BCL3: variants seen among roughly 807,000 people sequenced by gnomAD.
BCL3 encodes the protein BCL3 transcription coactivator, also known as B-cell lymphoma 3 protein.
Under a neutral mutation model 35.7 loss-of-function variants are expected in BCL3, and 15 were observed. That is an observed-to-expected ratio of 0.42 (90% CI 0.28 to 0.65). The LOEUF (loss-of-function observed/expected upper bound fraction) is 0.65. Ranked by LOEUF, BCL3 falls within the 30% of genes least tolerant of loss-of-function variation. BCL3 has a pLI of 0.22. For synonymous variants in BCL3, 311 were observed against 284.3 expected (o/e 1.09, Z -0.95); for missense variants, 565 against 641.7 (o/e 0.88, Z 1.29).
At chr19:44,752,177 ATTTTCTTT>A (rs1207695963) in intron 2 of BCL3, among the ~76,000 whole-genome samples, 84 of 150,442 alleles carry the variant, frequency 5.6e-4, no homozygotes, top group African/African-American at 1.8e-3. Flanking sequence ...CTACTGTGAC[ATTTTCTTT>A]TTTTCTTTTT....
upstream of BCL3, chr19:44,748,006 G>A (rs1174216660): frequency 7.4e-7 from 1 of 1,342,556 alleles, no homozygotes; most frequent in South Asian, 1.2e-5. Context: ...GAAGAGGGGA[G>A]GGAGAGGAAT....
Position 44,758,842 on chromosome 19 carries a change from G to A in BCL3, c.1177+1G>A, listed in dbSNP as rs761897408. 1 of 1,586,606 alleles carries A rather than the reference G, an allele frequency of 6.3e-7. No homozygotes were observed. Among genetic ancestry groups the A allele is most frequent in the Non-Finnish European group, 8.6e-7 (1 of 1,168,050 alleles). ...AGCAGCAGCCGCCTCAGCTCCAATG[G>A]TGAGAAACCGTTCCCAACCTCCAGC... On this transcript the variant is annotated splice_donor_variant, in intron 8 of 8. Transcript: ENST00000164227. LOFTEE classifies it high-confidence loss of function.
intron 2 of BCL3, among the ~76,000 whole-genome samples, chr19:44,754,608 G>C (rs1967247502): frequency 6.6e-6 from 1 of 152,054 alleles, no homozygotes; most frequent in Non-Finnish European, 1.5e-5. Context: ...AGGCCTGGAC[G>C]GTTTCTCTGA....
intron 2 of BCL3, among the ~76,000 whole-genome samples, chr19:44,752,568 C>T (rs1967201960): frequency 6.6e-6 from 1 of 152,078 alleles, no homozygotes; most frequent in Non-Finnish European, 1.5e-5. Context: ...TCACAGCCCA[C>T]TACATTAATT....
At chr19:44,754,342 C>A (rs1242693759) in intron 2 of BCL3, among the ~76,000 whole-genome samples, 1 of 152,146 alleles carries the variant, frequency 6.6e-6, no homozygotes, top group East Asian at 1.9e-4. Flanking sequence ...CCCCCCTACA[C>A]ACACACACCT....
At chr19:44,750,643 C>T (rs1967161066) in intron 1 of BCL3, among the ~76,000 whole-genome samples, 1 of 152,026 alleles carries the variant, frequency 6.6e-6, no homozygotes, top group Non-Finnish European at 1.5e-5. Context: ...ATTACCCATG[C>T]GTGGTGGTCA....
Position 44,758,855 on chromosome 19 carries a change from C to T in BCL3, c.1177+14C>T, listed in dbSNP as rs754978573. 3 of 1,571,198 alleles carry T rather than the reference C, an allele frequency of 1.9e-6. No homozygotes were observed. Among genetic ancestry groups the T allele is most frequent in the Non-Finnish European group, 2.6e-6 (3 of 1,159,774 alleles). ...TCAGCTCCAATGGTGAGAAACCGTTCCCAACCTCCAGCCCTGGCGCCTCCT... is the reference window on the plus strand; with the variant it reads ...TCAGCTCCAATGGTGAGAAACCGTTTCCAACCTCCAGCCCTGGCGCCTCCT... On this transcript the variant is annotated intron_variant, in intron 8 of 8. Transcript: ENST00000164227.
At chr19:44,749,096 G>C in intron 1 of BCL3, 50 bp downstream of exon 1, 1 of 1,053,062 alleles carries the variant, frequency 9.5e-7, no homozygotes, top group Middle Eastern at 3.5e-4. Flanking sequence ...ACAGAGCATA[G>C]GGTCACCAGA....
rs1473888391 is a variant in BCL3, at chr19:44,759,972, G to C, written c.*357G>C. On this transcript the variant is annotated 3_prime_UTR_variant, in exon 9 of 9. Transcript: ENST00000164227. ...AGGAGGGGAGAGGTGGGCCGTAACG[G>C]GCACGGATCACGATGTAAATTATTA... The C allele has an allele frequency of 3.4e-6, 1 of 290,716 alleles. No individual in the cohort carries two copies. Among genetic ancestry groups the C allele is most frequent in the African/African-American group, 2.1e-5 (1 of 46,664 alleles). 18.0% of individuals were successfully genotyped at this position (290,716 alleles called of 1,614,324 possible).
chr19:44,756,472 G>T, intron 3 of BCL3, 132 bp downstream of exon 3: 2 of 640,284 alleles, frequency 3.1e-6, no homozygotes, highest in Non-Finnish European at 4.7e-6. Flanking sequence ...GAGGGAGGAG[G>T]GACTGGTGCC....
chr19:44,759,574 G>A lies in BCL3; in HGVS notation c.1324G>A (p.Gly442Ser). 1 of 1,610,036 alleles carries A rather than the reference G, an allele frequency of 6.2e-7. No homozygotes were observed. Among genetic ancestry groups the A allele is most frequent in the Non-Finnish European group, 8.5e-7 (1 of 1,179,202 alleles). Residue 442 changes from glycine (G) to serine (S), a missense_variant, in exon 9 of 9, where the codon GGC becomes AGC. By Grantham distance (56) the Gly-to-Ser change is moderately conservative. Around this residue, in one of 5 missense-constraint regions of BCL3, gnomAD observed 151 missense variants for 138.1 expected, o/e 1.09. Coordinates refer to ENST00000164227, the MANE Select transcript of BCL3 (RefSeq NM_005178.5). ...LPFAGVLRGP[G>S]RPVPPSPAPG... ...CTTTGCTGGGGTCCTCCGAGGCCCTGGCCGGCCGGTGCCCCCCTCCCCAGC... is the reference window on the plus strand; with the variant it reads ...CTTTGCTGGGGTCCTCCGAGGCCCTAGCCGGCCGGTGCCCCCCTCCCCAGC...
chr19:44,754,508 A>G (rs1006913735), intron 2 of BCL3, among the ~76,000 whole-genome samples: 16 of 152,038 alleles, frequency 1.1e-4, no homozygotes, highest in Admixed American at 1.0e-3. Flanking sequence ...CAGACCTGTT[A>G]CTGGAAGTCC....
intron 1 of BCL3, among the ~76,000 whole-genome samples, chr19:44,749,558 C>G (rs1193952595): frequency 6.6e-6 from 1 of 152,082 alleles, no homozygotes; most frequent in Non-Finnish European, 1.5e-5. Context: ...ACCAAGATAT[C>G]TGGAGACATG....
intron 2 of BCL3, among the ~76,000 whole-genome samples, chr19:44,752,961 C>T (rs762710139): frequency 6.6e-6 from 1 of 152,178 alleles, no homozygotes; most frequent in African/African-American, 2.4e-5. Context: ...AGGGCTGCTC[C>T]GCCACTGGCC....
rs534211044 is a variant in BCL3 at position 44,748,919 on chromosome 19, G to A, written c.129G>A (p.Glu43=). 9.4e-6 allele frequency: 11 copies of A among 1,169,570 alleles called. No homozygotes were observed. The highest frequency in any genetic ancestry group is 3.9e-5 in the South Asian group (1 of 25,556). The allele number at this position is 1,169,570 out of a possible 1,614,324, so 72.4% of individuals were successfully genotyped here. A position where few individuals can be genotyped will look rare whatever the true frequency, so the allele number is the denominator to read the frequency against. Residue 43 remains glutamate, a synonymous_variant, in exon 1 of 9, where the codon GAG becomes GAA. Coordinates refer to ENST00000164227, the MANE Select transcript of BCL3 (RefSeq NM_005178.5). ...RKRPLRAPSP[E]PAAPRGAAGL... is the part of the protein sequence containing the mutation. ...GCCCGCTGCGCGCGCCCTCCCCGGA[G>A]CCCGCCGCTCCCCGCGGCGCTGCGG...
intron 2 of BCL3, 117 bp from the exon 3 acceptor site, chr19:44,756,114 TG>T (rs1967273885): frequency 1.5e-6 from 1 of 656,150 alleles, no homozygotes; most frequent in Admixed American, 4.3e-5. Context: ...GAGAAGTGTT[TG>T]AATACTGGGG....
At position 44,748,916 on chromosome 19, in the gene BCL3, G is replaced by T; in HGVS notation, c.126G>T (p.Pro42=). 1 of 1,164,450 alleles carries T rather than the reference G, an allele frequency of 8.6e-7. No individual in the cohort carries two copies. Among genetic ancestry groups the T allele is most frequent in the Non-Finnish European group, 1.1e-6 (1 of 946,040 alleles). 72.1% of individuals were successfully genotyped at this position (1,164,450 alleles called of 1,614,324 possible). ...AGCGCCCGCTGCGCGCGCCCTCCCC[G>T]GAGCCCGCCGCTCCCCGCGGCGCTG... The part of the protein sequence containing the change: ...LRKRPLRAPS[P]EPAAPRGAAG... The change falls in exon 1 of 9, where the codon CCG becomes CCT. Residue 42 remains proline (P), a synonymous_variant. Coordinates refer to ENST00000164227, the MANE Select transcript of BCL3 (RefSeq NM_005178.5).
Position 44,757,199 on chromosome 19 carries a change from C to T in BCL3, c.702C>T (p.Asp234=). 6.4e-7 allele frequency: 1 copy of T among 1,558,482 alleles called. No individual in the cohort carries two copies. Among genetic ancestry groups the T allele is most frequent in the Non-Finnish European group, 8.7e-7 (1 of 1,148,190 alleles). The stretch of plus-strand genomic sequence containing the variant: ...ACAGCGCAGCTCCGGGCACGTTGGA[C>T]CTGGAGGCCCGCAATTATGACGGTA... ...LLDSAAPGTL[D]LEARNYDGLT... Residue 234 remains aspartate, a synonymous_variant, in exon 4 of 9, where the codon GAC becomes GAT. Transcript: ENST00000164227. This position sits in a 1 kb window ranked among gnomAD's most constrained non-coding sequence, Gnocchi z 8.4.
At chr19:44,747,904 A>G (rs1967095102), upstream of BCL3, 4 of 1,161,210 alleles carry the variant, frequency 3.4e-6, no homozygotes, top group East Asian at 1.9e-4. Flanking sequence ...CAACGAGTGC[A>G]GAGACACAAT....
Sources: gnomAD v4.1 joint callset for allele counts (sites outside exome capture counted in the v4.1 genomes callset) on GRCh38, gnomAD v4.1.1 for gene constraint, gnomAD v4.1.1 regional missense constraint, Gnocchi (gnomAD v3.1) non-coding constraint, MANE v1.5 for transcripts, NCBI Gene and HGNC (gene_info 2026-07-23, HGNC 2026-07-21) for gene names.